RNF144A: variants seen among roughly 807,000 people sequenced by gnomAD.
The protein encoded by RNF144A is ring finger protein 144A, also known as E3 ubiquitin-protein ligase RNF144A.
Under a neutral mutation model 38.7 loss-of-function variants are expected in RNF144A, and 11 were observed. The ratio of observed to expected loss-of-function variants is 0.28; its 90% CI spans 0.18 to 0.47. RNF144A has a LOEUF of 0.47. Ranked by LOEUF, RNF144A falls within the 20% of genes least tolerant of loss-of-function variation. The pLI is 0.99. For missense variants in RNF144A, 316 were observed against 377.2 expected (o/e 0.84, Z 1.34); for synonymous variants, 149 against 143.9 (o/e 1.04, Z -0.25).
intron 2 of RNF144A, among the ~76,000 whole-genome samples, chr2:6,989,110 T>A (rs1032180166): frequency 2.0e-5 from 3 of 152,248 alleles, no homozygotes; most frequent in Non-Finnish European, 4.4e-5. Flanking sequence ...ATGTGCTTGT[T>A]GCAAACTGGG....
At chr2:6,968,766 T>G (rs533150738) in intron 2 of RNF144A, among the ~76,000 whole-genome samples, 1 of 152,286 alleles carries the variant, frequency 6.6e-6, no homozygotes, top group African/African-American at 2.4e-5. Context: ...AAGCAGGCAC[T>G]GTGAACTTGG....
At chr2:7,051,065 C>T (rs764551159) in intron 6 of RNF144A, among the ~76,000 whole-genome samples, 19 of 152,296 alleles carry the variant, frequency 1.2e-4, no homozygotes, top group Admixed American at 3.9e-4. Context: ...CAGTCTAGTG[C>T]GGCAGGCCGG....
At chr2:6,930,051 A>G (rs1425636718) in intron 1 of RNF144A, among the ~76,000 whole-genome samples, 1 of 152,274 alleles carries the variant, frequency 6.6e-6, no homozygotes, top group Non-Finnish European at 1.5e-5. Context: ...ATTACTTTGC[A>G]CAGTTGCGCT....
intron 3 of RNF144A, among the ~76,000 whole-genome samples, chr2:6,998,375 C>T (rs1333737995): frequency 6.6e-6 from 1 of 152,200 alleles, no homozygotes; most frequent in Admixed American, 6.5e-5. Context: ...GGTATGTAGG[C>T]ACAGCAAATA....
intron 1 of RNF144A, among the ~76,000 whole-genome samples, chr2:6,922,929 C>G (rs996652439): frequency 4.6e-5 from 7 of 152,140 alleles, no homozygotes; most frequent in Non-Finnish European, 1.0e-4. Context: ...CGGCCTCCTG[C>G]TTTTTCATAG....
downstream of RNF144A, among the ~76,000 whole-genome samples, chr2:7,047,579 C>T (rs951864548): frequency 6.6e-6 from 1 of 152,150 alleles, no homozygotes; most frequent in Non-Finnish European, 1.5e-5. Context: ...CTCGGGGTCC[C>T]TCTCACAACA....
chr2:6,951,574 A>T (rs751107926), intron 2 of RNF144A, among the ~76,000 whole-genome samples: 1 of 152,208 alleles, frequency 6.6e-6, no homozygotes, highest in Non-Finnish European at 1.5e-5. Flanking sequence ...ATATTCTGGG[A>T]TATTGACTTT....
At chr2:7,014,360 A>T (rs575628289) in intron 3 of RNF144A, 94 bp from the exon 4 acceptor site, 2 of 841,456 alleles carry the variant, frequency 2.4e-6, no homozygotes, top group African/African-American at 3.4e-5. Flanking sequence ...ACTGTAATGG[A>T]ATGATGTGCC....
At chr2:6,920,374 G>C (rs546715075) in intron 1 of RNF144A, among the ~76,000 whole-genome samples, 1 of 152,188 alleles carries the variant, frequency 6.6e-6, no homozygotes, top group Non-Finnish European at 1.5e-5. Flanking sequence ...AGGTAGCCCA[G>C]GCCACATGAA....
intron 5 of RNF144A, among the ~76,000 whole-genome samples, chr2:7,019,748 G>A (rs1671392264): frequency 6.6e-6 from 1 of 152,240 alleles, no homozygotes; most frequent in Non-Finnish European, 1.5e-5. Context: ...GGACAAGGAT[G>A]TGAAGAAATA....
At chr2:7,064,800 T>C (rs527447006) in intron 6 of RNF144A, among the ~76,000 whole-genome samples, 1 of 152,360 alleles carries the variant, frequency 6.6e-6, no homozygotes, top group African/African-American at 2.4e-5. Context: ...CTCAGCTTTC[T>C]ATAAATTGTA....
downstream of RNF144A, among the ~76,000 whole-genome samples, chr2:7,069,229 C>T (rs1344930348): frequency 6.6e-6 from 1 of 152,208 alleles, no homozygotes; most frequent in Non-Finnish European, 1.5e-5. Context: ...CTCCCACTGT[C>T]TCCTGCATGA....
At chr2:6,999,510 G>C (rs1343699536) in intron 3 of RNF144A, among the ~76,000 whole-genome samples, 4 of 152,324 alleles carry the variant, frequency 2.6e-5, no homozygotes, top group Non-Finnish European at 2.9e-5. Context: ...TAAAAAAACA[G>C]TTATTATGAA....
chr2:7,030,698 C>CA (rs1434788236), intron 8 of RNF144A, among the ~76,000 whole-genome samples: 1 of 152,138 alleles, frequency 6.6e-6, no homozygotes, highest in East Asian at 1.9e-4. Context: ...TCGTGGAAGG[C>CA]AGTTTTTCCA....
chr2:7,056,826 G>A (rs309279), intron 6 of RNF144A, among the ~76,000 whole-genome samples: 45,988 of 152,044 alleles, frequency 0.3, 7,513 homozygotes, highest in South Asian at 0.43. Context: ...TGGCTTCCTT[G>A]TTTGTGTATC....
At chr2:6,956,296 A>C (rs1666992952) in intron 2 of RNF144A, among the ~76,000 whole-genome samples, 1 of 152,054 alleles carries the variant, frequency 6.6e-6, no homozygotes, top group South Asian at 2.1e-4. Flanking sequence ...TTTCCTGTAA[A>C]CTTCCTGAGG....
intron 5 of RNF144A, among the ~76,000 whole-genome samples, chr2:7,019,987 G>A (rs780216986): frequency 1.3e-5 from 2 of 152,186 alleles, no homozygotes; most frequent in African/African-American, 4.8e-5. Flanking sequence ...TCTTCCTCTC[G>A]GTCTTCTAGC....
intron 6 of RNF144A, among the ~76,000 whole-genome samples, chr2:7,062,117 T>C (rs1394274946): frequency 6.6e-6 from 1 of 152,208 alleles, no homozygotes; most frequent in Non-Finnish European, 1.5e-5. Flanking sequence ...TGATTGAGGC[T>C]GGGCGCTCAC....
chr2:6,985,189 G>A (rs1173232902), intron 2 of RNF144A, among the ~76,000 whole-genome samples: 2 of 151,862 alleles, frequency 1.3e-5, no homozygotes, highest in African/African-American at 4.8e-5. Flanking sequence ...TAAATGAAAG[G>A]TGATTCCGCG....
Sources: allele counts gnomAD v4.1 joint callset (sites outside exome capture counted in the v4.1 genomes callset), GRCh38; gene constraint gnomAD v4.1.1; transcripts MANE v1.5; gene names NCBI Gene and HGNC (gene_info 2026-07-23, HGNC 2026-07-21).